MTUS2: variants seen among roughly 807,000 people sequenced by gnomAD.
MTUS2 encodes microtubule associated scaffold protein 2.
MTUS2 carries 40 observed loss-of-function variants against 114.1 expected under a neutral mutation model. That is an observed-to-expected ratio of 0.35 (90% CI 0.27 to 0.46). MTUS2 has a LOEUF of 0.46. MTUS2 is among the 20% of genes least tolerant of loss of function. MTUS2 has a pLI of 1.00. For synonymous variants in MTUS2, 688 were observed against 672.0 expected (o/e 1.02, Z -0.37); for missense variants, 1,679 against 1,705.4 (o/e 0.98, Z 0.27).
At position 29,202,822 on chromosome 13, in the gene MTUS2, G is replaced by A. The variant is rs538445560; in HGVS notation, c.2645-78882G>A. 2.6e-5 allele frequency among the ~76,000 whole-genome samples: 4 copies of A among 152,294 alleles called. No homozygotes were observed. The East Asian group carries it at 5.8e-4, about 22-fold the overall frequency. On this transcript the variant is annotated intron_variant, in intron 5 of 15. Coordinates refer to ENST00000612955, the MANE Select transcript of MTUS2 (RefSeq NM_001033602.4). ...TCCACTCCAGACCCTGTTTGCCTGG[G>A]TATCACCAGCGGAGGCTGCAGAACA... is the stretch of plus-strand genomic sequence containing the variant.
intron 5 of MTUS2, among the ~76,000 whole-genome samples, chr13:29,147,594 TC>T (rs1892490824): frequency 6.6e-6 from 1 of 152,116 alleles, no homozygotes; most frequent in South Asian, 2.1e-4. Flanking sequence ...TCTCTCTCTC[TC>T]CCCGCTGTAC....
intron 5 of MTUS2, among the ~76,000 whole-genome samples, chr13:29,160,269 A>G (rs2139074873): frequency 6.6e-6 from 1 of 152,308 alleles, no homozygotes; most frequent in Middle Eastern, 3.4e-3. Flanking sequence ...TGAGACTACA[A>G]TACCAACTCT....
intron 8 of MTUS2, among the ~76,000 whole-genome samples, chr13:29,428,391 C>T (rs779162205): frequency 2.6e-5 from 4 of 152,376 alleles, no homozygotes; most frequent in African/African-American, 9.6e-5. Context: ...TTCCTGCGTC[C>T]GCTCCAGGCG....
intron 6 of MTUS2, among the ~76,000 whole-genome samples, chr13:29,304,265 A>G (rs2139616910): frequency 6.6e-6 from 1 of 152,296 alleles, no homozygotes; most frequent in South Asian, 2.1e-4. Context: ...CATCATGATG[A>G]CAGGATCAAA....
intron 2 of MTUS2, among the ~76,000 whole-genome samples, chr13:29,019,623 C>A (rs1165986021): frequency 6.6e-6 from 1 of 152,144 alleles, no homozygotes; most frequent in Non-Finnish European, 1.5e-5. Flanking sequence ...GAGTTTAGGA[C>A]AACTTATATG....
At chr13:29,060,923 C>T (rs1452035399) in intron 4 of MTUS2, among the ~76,000 whole-genome samples, 2 of 151,744 alleles carry the variant, frequency 1.3e-5, no homozygotes, top group East Asian at 3.9e-4. Flanking sequence ...GCCTCAGCCT[C>T]CTGAGTAGCT....
intron 2 of MTUS2, among the ~76,000 whole-genome samples, chr13:28,967,051 A>G (rs115024068): frequency 0.011 from 1,660 of 152,322 alleles, 36 homozygotes; most frequent in African/African-American, 0.038. Context: ...ACTGGACATC[A>G]TTAACTACCT....
chr13:29,501,281 T>A (rs1882886017), intron 15 of MTUS2, 87 bp downstream of exon 15: 11 of 985,240 alleles, frequency 1.1e-5, no homozygotes, highest in Non-Finnish European at 1.7e-5. Context: ...CTCTGGCCTG[T>A]GAGTCTTTCC....
At chr13:28,878,595 T>TAAAA (rs1205396259) in intron 2 of MTUS2, among the ~76,000 whole-genome samples, 5 of 152,240 alleles carry the variant, frequency 3.3e-5, no homozygotes, top group Non-Finnish European at 5.9e-5. Context: ...TTTGGTTTTC[T>TAAAA]GTTCCTGCAT....
chr13:29,274,911 T>A (rs144373597), intron 5 of MTUS2, among the ~76,000 whole-genome samples: 1 of 152,188 alleles, frequency 6.6e-6, no homozygotes, highest in East Asian at 1.9e-4. Context: ...TTTTTTAAAT[T>A]TTTTGTAGAG....
intron 5 of MTUS2, among the ~76,000 whole-genome samples, chr13:29,107,380 T>C (rs1426012630): frequency 1.3e-5 from 2 of 152,190 alleles, no homozygotes; most frequent in East Asian, 3.9e-4. Flanking sequence ...TAGAAACTTT[T>C]TCTCTTATGT....
rs1566303610 is a variant in MTUS2 at position 29,026,097 on chromosome 13, G to A, written c.1399G>A (p.Val467Ile). ...RRLGSGNKDS[V>I]MVLVFNPSVG... ...GTTGGGCAGTGGGAATAAGGACAGT[G>A]TTATGGTTTTGGTGTTCAATCCTTC... Residue 467 changes from valine to isoleucine, a missense_variant, in exon 3 of 16, where the codon GTT (valine) becomes ATT (isoleucine). Physicochemically the swap from Val to Ile is conservative, Grantham distance 29. Coordinates refer to ENST00000612955, the MANE Select transcript of MTUS2 (RefSeq NM_001033602.4). 1 of 1,614,038 alleles carries A rather than the reference G, an allele frequency of 6.2e-7. No homozygotes were observed. The highest frequency in any genetic ancestry group is 1.1e-5 in the South Asian group (1 of 91,084).
chr13:29,308,675 G>T (rs1388699760), intron 6 of MTUS2, among the ~76,000 whole-genome samples: 1 of 152,084 alleles, frequency 6.6e-6, no homozygotes, highest in Non-Finnish European at 1.5e-5. Context: ...CTAATATCCA[G>T]AGTCTACAAG....
At chr13:28,854,176 G>A (rs1477506847) in intron 2 of MTUS2, among the ~76,000 whole-genome samples, 1 of 152,150 alleles carries the variant, frequency 6.6e-6, no homozygotes, top group African/African-American at 2.4e-5. Flanking sequence ...ATCATAATCT[G>A]CATCTCAACA....
intron 9 of MTUS2, among the ~76,000 whole-genome samples, chr13:29,463,370 T>C (rs372642621): frequency 6.6e-5 from 10 of 152,116 alleles, no homozygotes; most frequent in African/African-American, 2.4e-4. Context: ...AGGAGACTCC[T>C]AGAGAGGTCA....
chr13:29,318,735 G>T (rs1900127649), intron 6 of MTUS2, among the ~76,000 whole-genome samples: 1 of 152,130 alleles, frequency 6.6e-6, no homozygotes, highest in African/African-American at 2.4e-5. Flanking sequence ...ATAGCATTGT[G>T]GAAGGCCCTT....
chr13:29,413,205 G>A (rs1875396412), intron 8 of MTUS2, among the ~76,000 whole-genome samples: 1 of 152,098 alleles, frequency 6.6e-6, no homozygotes, highest in African/African-American at 2.4e-5. Context: ...TCAGACTTGG[G>A]CATCTTTTAG....
chr13:29,212,192 T>A (rs890495666), intron 5 of MTUS2, among the ~76,000 whole-genome samples: 7 of 152,220 alleles, frequency 4.6e-5, no homozygotes, highest in African/African-American at 7.2e-5. Flanking sequence ...TGATTTCTTC[T>A]TTGGTCCATG....
chr13:29,166,460 T>C (rs1375958569), intron 5 of MTUS2, among the ~76,000 whole-genome samples: 1 of 152,226 alleles, frequency 6.6e-6, no homozygotes, highest in Non-Finnish European at 1.5e-5. Flanking sequence ...CCATGAGGCT[T>C]CTTGCTTCTG....
Sources: gnomAD v4.1 joint callset for allele counts (sites outside exome capture counted in the v4.1 genomes callset) on GRCh38, gnomAD v4.1.1 for gene constraint, MANE v1.5 for transcripts, NCBI Gene and HGNC (gene_info 2026-07-23, HGNC 2026-07-21) for gene names.